ACOXL: variants seen among roughly 807,000 people sequenced by gnomAD.
The protein encoded by ACOXL is acyl-CoA oxidase like.
Under a neutral mutation model 71.9 loss-of-function variants are expected in ACOXL, and 70 were observed. That is an observed-to-expected ratio of 0.97 (90% CI 0.80 to 1.19). ACOXL has a LOEUF of 1.19. ACOXL is among the 50% of genes most tolerant of loss of function. ACOXL has a pLI of 0.00. For synonymous variants in ACOXL, 253 were observed against 281.6 expected, an observed-to-expected ratio of 0.90 and a Z score of 1.02; for missense variants, 703 against 736.3, an observed-to-expected ratio of 0.95 and a Z score of 0.52.
intron 14 of ACOXL, among the ~76,000 whole-genome samples, chr2:111,019,974 C>T (rs191053244): frequency 6.6e-6 from 1 of 152,184 alleles, no homozygotes; most frequent in Non-Finnish European, 1.5e-5. Flanking sequence ...GATTCTCCTG[C>T]CTCAGCCTCC....
In ACOXL at chr2:110,791,269, A is replaced by G. The variant is rs138603588; in HGVS notation, c.160-2381A>G. Among the ~76,000 whole-genome samples, 88 of 152,370 alleles carry G rather than the reference A, an allele frequency of 5.8e-4. 1 individual carries two copies. Among genetic ancestry groups the G allele is most frequent in the Admixed American group, 1.0e-3 (16 of 15,310 alleles). ...CCTGCAAACTTACAGGTTCACTTCC[A>G]CAGCCCAGGGTGCCTACTAAGACAT... is the stretch of plus-strand genomic sequence containing the variant. On this transcript the variant is annotated intron_variant, in intron 3 of 17. Coordinates refer to ENST00000439055, the MANE Select transcript of ACOXL (RefSeq NM_001142807.4).
At chr2:110,936,107 T>G (rs1410276993) in intron 12 of ACOXL, among the ~76,000 whole-genome samples, 1 of 152,100 alleles carries the variant, frequency 6.6e-6, no homozygotes, top group Non-Finnish European at 1.5e-5. Flanking sequence ...CTGGTACTGG[T>G]CCATGGCCTG....
chr2:111,030,886 G>T (rs900804056), intron 14 of ACOXL, among the ~76,000 whole-genome samples: 1 of 152,140 alleles, frequency 6.6e-6, no homozygotes, highest in African/African-American at 2.4e-5. Context: ...CTAAATGATG[G>T]TAATTACTAG....
chr2:111,031,589 T>C, intron 14 of ACOXL, 38 bp from the exon 15 acceptor site: 1 of 1,582,696 alleles, frequency 6.3e-7, no homozygotes, highest in Non-Finnish European at 8.7e-7. Context: ...TCTCTCACAA[T>C]ATCCTCAATG....
chr2:110,974,584 TGTTA>T (rs1192806199), intron 12 of ACOXL, among the ~76,000 whole-genome samples: 1 of 152,196 alleles, frequency 6.6e-6, no homozygotes, highest in African/African-American at 2.4e-5. Context: ...CCCTAAAGAA[TGTTA>T]GTTAGAGATT....
intron 1 of ACOXL, among the ~76,000 whole-genome samples, chr2:110,749,981 A>G (rs1305735965): frequency 6.6e-6 from 1 of 152,202 alleles, no homozygotes; most frequent in Non-Finnish European, 1.5e-5. Flanking sequence ...TGTTTTCCGT[A>G]TGACTAGACT....
chr2:110,860,358 G>A (rs187592574), intron 10 of ACOXL, among the ~76,000 whole-genome samples: 50 of 152,256 alleles, frequency 3.3e-4, no homozygotes, highest in African/African-American at 9.9e-4. Flanking sequence ...TGATCCATTC[G>A]CCTTGGCCTC....
chr2:111,056,104 G>A (rs888803750), intron 16 of ACOXL, among the ~76,000 whole-genome samples: 2 of 151,922 alleles, frequency 1.3e-5, no homozygotes, highest in Non-Finnish European at 2.9e-5. Context: ...GGAGGCTAAG[G>A]CAGGAGCATT....
Position 111,002,917 on chromosome 2 carries a change from T to C in ACOXL, c.1281+6913T>C, listed in dbSNP as rs543053068. ...TAATGAACATTTTCTTTCAGCATCA[T>C]GTCAGTGCTGAAAAACTTTTGGATT... On this transcript the variant is annotated intron_variant, in intron 14 of 17. Transcript: ENST00000439055. 7.2e-5 allele frequency among the ~76,000 whole-genome samples: 11 copies of C among 152,336 alleles called. No homozygotes were observed. In the East Asian group the frequency reaches 2.1e-3, roughly 29 times the overall value.
At chr2:110,953,922 C>T (rs1236444070) in intron 12 of ACOXL, among the ~76,000 whole-genome samples, 1 of 152,202 alleles carries the variant, frequency 6.6e-6, no homozygotes, top group Non-Finnish European at 1.5e-5. Flanking sequence ...AAATCCACCC[C>T]ATGATCCAGT....
chr2:110,857,426 G>A (rs1693394519), intron 10 of ACOXL, among the ~76,000 whole-genome samples: 1 of 152,180 alleles, frequency 6.6e-6, no homozygotes, highest in South Asian at 2.1e-4. Flanking sequence ...GATTGGGTTA[G>A]TTAGTGGCTC....
rs539368790 is a variant in ACOXL, at chr2:110,813,996, A to G, written c.753+8601A>G. Among the ~76,000 whole-genome samples, 106 of 152,272 alleles carry G rather than the reference A, an allele frequency of 7.0e-4. No individual in the cohort carries two copies. The South Asian group carries it at 0.013, about 19-fold the overall frequency. ...AGCACTGGGGTCCGGCCGTTACCCAATGCTGGAGTGGCTTTGTAGTCCTCA... is the reference window on the plus strand; with the variant it reads ...AGCACTGGGGTCCGGCCGTTACCCAGTGCTGGAGTGGCTTTGTAGTCCTCA... On this transcript the variant is annotated intron_variant, in intron 9 of 17. Transcript: ENST00000439055.
chr2:111,038,815 A>G (rs2065645904), intron 15 of ACOXL, among the ~76,000 whole-genome samples: 1 of 152,246 alleles, frequency 6.6e-6, no homozygotes, highest in African/African-American at 2.4e-5. Flanking sequence ...TTTAAAGGAC[A>G]TGTTCTAATC....
At chr2:111,040,514 A>G (rs1242068876) in intron 15 of ACOXL, among the ~76,000 whole-genome samples, 1 of 152,124 alleles carries the variant, frequency 6.6e-6, no homozygotes, top group Non-Finnish European at 1.5e-5. Context: ...GTTACACTCC[A>G]GGAATAAAAG....
intron 10 of ACOXL, among the ~76,000 whole-genome samples, chr2:110,851,161 G>C (rs1167810425): frequency 6.6e-6 from 1 of 152,190 alleles, no homozygotes; most frequent in Non-Finnish European, 1.5e-5. Flanking sequence ...TTGACGGACA[G>C]ATTCTAAATC....
chr2:110,926,426 C>G (rs1254988427), intron 11 of ACOXL, among the ~76,000 whole-genome samples: 1 of 152,138 alleles, frequency 6.6e-6, no homozygotes, highest in Non-Finnish European at 1.5e-5. Flanking sequence ...CATACATGCT[C>G]CAGTGTGGCA....
intron 10 of ACOXL, among the ~76,000 whole-genome samples, chr2:110,904,728 G>C (rs2059375710): frequency 6.6e-6 from 1 of 152,068 alleles, no homozygotes; most frequent in African/African-American, 2.4e-5. Context: ...GGAAAATGTG[G>C]GCAAGAGCCT....
At chr2:111,021,939 T>C (rs1363621236) in intron 14 of ACOXL, among the ~76,000 whole-genome samples, 5 of 151,768 alleles carry the variant, frequency 3.3e-5, no homozygotes, top group Admixed American at 1.3e-4. Context: ...ATTAAAAATA[T>C]AGAAGAGTAA....
chr2:110,809,199 G>A (rs576905684), intron 9 of ACOXL, among the ~76,000 whole-genome samples: 2 of 152,326 alleles, frequency 1.3e-5, no homozygotes, highest in African/African-American at 4.8e-5. Flanking sequence ...CCTCTCTGTC[G>A]CAGACACTGC....
Sources: gnomAD v4.1 joint callset for allele counts (sites outside exome capture counted in the v4.1 genomes callset) on GRCh38, gnomAD v4.1.1 for gene constraint, MANE v1.5 for transcripts, NCBI Gene and HGNC (gene_info 2026-07-23, HGNC 2026-07-21) for gene names.